CNTN6: variants seen among roughly 807,000 people sequenced by gnomAD.
CNTN6 encodes the protein contactin 6, also known as contactin-6.
In CNTN6, 137 loss-of-function variants were observed where a neutral mutation model predicts 122.8. The ratio of observed to expected loss-of-function variants is 1.12; its 90% CI spans 0.97 to 1.29. CNTN6 has a LOEUF of 1.29. Among genes scored for constraint, CNTN6 ranks in the 50% most tolerant of loss-of-function variants. The pLI is 0.00. For missense variants in CNTN6, 1,634 were observed against 1,223.4 expected (o/e 1.34, Z -5.01); for synonymous variants, 570 against 426.0 (o/e 1.34, Z -4.16).
chr3:1,094,427 C>T (rs999295771), intron 1 of CNTN6, among the ~76,000 whole-genome samples: 2 of 151,882 alleles, frequency 1.3e-5, no homozygotes, highest in Non-Finnish European at 2.9e-5. Context: ...AAGCAATAAT[C>T]ATGGCTGTGC....
intron 5 of CNTN6, among the ~76,000 whole-genome samples, chr3:1,281,936 A>G (rs912765835): frequency 6.6e-6 from 1 of 152,020 alleles, no homozygotes; most frequent in African/African-American, 2.4e-5. Context: ...ACTTTTTTTT[A>G]ATAAGGCAGG....
intron 5 of CNTN6, among the ~76,000 whole-genome samples, chr3:1,280,760 T>C (rs2125801567): frequency 6.6e-6 from 1 of 152,102 alleles, no homozygotes; most frequent in Admixed American, 6.6e-5. Context: ...TCACCGCACC[T>C]GGTCCGAGAT....
chr3:1,321,711 T>C lies in CNTN6; in HGVS notation c.823T>C (p.Tyr275His), dbSNP rs990536728. 1.2e-6 allele frequency: 2 copies of C among 1,611,714 alleles called. No homozygotes were observed. The highest frequency in any genetic ancestry group is 2.7e-5 in the African/African-American group (2 of 74,684). ...GAGCCCGTTGCCAGGGAAAGTCAAG[T>C]ACAGCAAATCCCAAGCTATCCTTGA... ...DGSPLPGKVK[Y>H]SKSQAILEIP... The change falls in exon 8 of 23, where the codon TAC becomes CAC. Residue 275 changes from tyrosine (Y) to histidine (H), a missense_variant. Tyr to His is a moderately conservative substitution (Grantham distance 83). Transcript: ENST00000446702.
intron 1 of CNTN6, among the ~76,000 whole-genome samples, chr3:1,118,274 G>A (rs1279987409): frequency 1.3e-5 from 2 of 152,138 alleles, no homozygotes; most frequent in East Asian, 3.9e-4. Flanking sequence ...GAACACGTGT[G>A]GTGAGGAGCG....
intron 11 of CNTN6, among the ~76,000 whole-genome samples, chr3:1,331,198 G>C (rs1702239852): frequency 6.6e-6 from 1 of 151,924 alleles, no homozygotes; most frequent in African/African-American, 2.4e-5. Context: ...CCCCTTTCTA[G>C]GGCATTCTTT....
At chr3:1,275,055 G>A (rs1357950974) in intron 4 of CNTN6, among the ~76,000 whole-genome samples, 3 of 152,218 alleles carry the variant, frequency 2.0e-5, no homozygotes, top group Non-Finnish European at 4.4e-5. Context: ...TCTTTTACAA[G>A]CACATATAAG....
chr3:1,156,712 C>G (rs1029284700), intron 2 of CNTN6, among the ~76,000 whole-genome samples: 1 of 111,888 alleles, frequency 8.9e-6, no homozygotes, highest in African/African-American at 3.2e-5. Flanking sequence ...TTCCTTCCTT[C>G]TTCTTTCTTT....
intron 1 of CNTN6, among the ~76,000 whole-genome samples, chr3:1,099,446 G>C (rs1452235314): frequency 6.6e-6 from 1 of 151,894 alleles, no homozygotes; most frequent in Non-Finnish European, 1.5e-5. Context: ...GCCAGACTCT[G>C]TCTCAAAAAA....
chr3:1,283,249 C>T (rs549466068), intron 5 of CNTN6, among the ~76,000 whole-genome samples: 1 of 152,278 alleles, frequency 6.6e-6, no homozygotes, highest in East Asian at 1.9e-4. Context: ...GCCACTGCTC[C>T]CAGCCCACAA....
chr3:1,274,118 A>G (rs1691880910), intron 4 of CNTN6, among the ~76,000 whole-genome samples: 2 of 152,292 alleles, frequency 1.3e-5, no homozygotes. Context: ...ATTGTCACCT[A>G]TGATGATTAT....
At chr3:1,168,809 T>C (rs769687343) in intron 2 of CNTN6, among the ~76,000 whole-genome samples, 4 of 151,928 alleles carry the variant, frequency 2.6e-5, no homozygotes, top group Non-Finnish European at 5.9e-5. Flanking sequence ...GAGTTAATGA[T>C]GAGCAAAAAA....
At chr3:1,153,909 A>G (rs1399405082) in intron 2 of CNTN6, among the ~76,000 whole-genome samples, 1 of 152,224 alleles carries the variant, frequency 6.6e-6, no homozygotes, top group African/African-American at 2.4e-5. Context: ...CAGAGTGTGA[A>G]TGAATATTGA....
At chr3:1,245,257 AC>A (rs2094554425) in intron 4 of CNTN6, among the ~76,000 whole-genome samples, 3 of 2,166 alleles carry the variant, frequency 1.4e-3, no homozygotes, top group East Asian at 0.025. Flanking sequence ...TATATATATA[AC>A]ATATATATAT....
intron 2 of CNTN6, among the ~76,000 whole-genome samples, chr3:1,192,071 C>T (rs138512827): frequency 4.8e-4 from 73 of 152,258 alleles, no homozygotes; most frequent in Non-Finnish European, 8.8e-4. Flanking sequence ...CAATCTGCCT[C>T]GTCCTTTTGA....
At chr3:1,118,946 A>G (rs2091840104) in intron 1 of CNTN6, among the ~76,000 whole-genome samples, 1 of 152,136 alleles carries the variant, frequency 6.6e-6, no homozygotes, top group Non-Finnish European at 1.5e-5. Context: ...TCTCTGATCC[A>G]TGAATTCATA....
chr3:1,250,441 C>T (rs1278521920), intron 4 of CNTN6, among the ~76,000 whole-genome samples: 2 of 152,158 alleles, frequency 1.3e-5, no homozygotes, highest in South Asian at 2.1e-4. Flanking sequence ...CTGAGCTCCA[C>T]GTTTTCACAG....
At chr3:1,270,034 C>G (rs1273576523) in intron 4 of CNTN6, among the ~76,000 whole-genome samples, 1 of 152,124 alleles carries the variant, frequency 6.6e-6, no homozygotes, top group African/African-American at 2.4e-5. Flanking sequence ...TTAGCTATTG[C>G]CTCTTTTACA....
chr3:1,195,946 C>T (rs1175060573), intron 2 of CNTN6, among the ~76,000 whole-genome samples: 1 of 152,006 alleles, frequency 6.6e-6, no homozygotes, highest in East Asian at 1.9e-4. Flanking sequence ...AAGGCTTGCA[C>T]AAAACTCAGC....
At position 1,373,750 on chromosome 3, in the gene CNTN6, G is replaced by C; in HGVS notation, c.1933G>C (p.Ala645Pro). 4 of 1,608,396 alleles carry C rather than the reference G, an allele frequency of 2.5e-6. No individual in the cohort carries two copies. The East Asian group carries it at 8.9e-5, about 36-fold the overall frequency. The part of the protein sequence containing the change: ...TRTPFSVGWQ[A>P]VATVPEILNG... Reference sequence around the variant, plus strand: ...GACACCATTTTCTGTGGGTTGGCAGGCTGTTGCTACAGGTGAGTGACAAAA... The same window carrying C: ...GACACCATTTTCTGTGGGTTGGCAGCCTGTTGCTACAGGTGAGTGACAAAA... The change falls in exon 15 of 23, where the codon GCT becomes CCT. Residue 645 changes from alanine to proline, a missense_variant. Physicochemically the swap from Ala to Pro is conservative, Grantham distance 27. Transcript: ENST00000446702.
Sources: allele counts gnomAD v4.1 joint callset (sites outside exome capture counted in the v4.1 genomes callset), GRCh38; gene constraint gnomAD v4.1.1; transcripts MANE v1.5; gene names NCBI Gene and HGNC (gene_info 2026-07-23, HGNC 2026-07-21).